Variants in SSBP3 observed in about 807,000 individuals in gnomAD.
SSBP3 encodes the protein single-stranded DNA-binding protein 3.
Under a neutral mutation model 69.6 loss-of-function variants are expected in SSBP3, and 5 were observed. The ratio of observed to expected loss-of-function variants is 0.07; its 90% confidence interval spans 0.04 to 0.15. SSBP3 has a LOEUF of 0.15. Ranked by LOEUF, SSBP3 falls within the 10% of genes least tolerant of loss-of-function variation. SSBP3 has a pLI of 1.00. For missense variants in SSBP3, 312 were observed against 534.0 expected (o/e 0.58, Z 4.10); for synonymous variants, 196 against 193.4 (o/e 1.01, Z -0.11).
chr1:54,270,967 A>G lies in SSBP3; in HGVS notation c.366+10471T>C, dbSNP rs146990450. ...AGAAGGTGAAGGAGGGATGGGACCC[A>G]GCACCTCCCTGTCCAAGACAGAAGG... On this transcript the variant is annotated intron_variant, in intron 5 of 17. Coordinates refer to ENST00000610401, the Ensembl canonical transcript of SSBP3. 2.0e-5 allele frequency among the ~76,000 whole-genome samples: 3 copies of G among 152,296 alleles called. No individual in the cohort carries two copies. In the East Asian group the frequency reaches 5.8e-4, roughly 29 times the overall value.
chr1:54,368,303 A>AG (rs1307215202), intron 4 of SSBP3, among the ~76,000 whole-genome samples: 2 of 151,718 alleles, frequency 1.3e-5, no homozygotes, highest in African/African-American at 2.4e-5. Context: ...AAAAAAAAAA[A>AG]AAAAAGAAAA....
intron 3 of SSBP3, among the ~76,000 whole-genome samples, chr1:54,403,686 G>T (rs1436968860): frequency 6.6e-6 from 1 of 152,178 alleles, no homozygotes; most frequent in East Asian, 1.9e-4. Context: ...AACGACAGGA[G>T]ACAGGACACA....
At chr1:54,316,636 A>T (rs1646103926) in intron 4 of SSBP3, among the ~76,000 whole-genome samples, 1 of 126,378 alleles carries the variant, frequency 7.9e-6, no homozygotes, top group African/African-American at 3.4e-5. Flanking sequence ...CGACAGAGCG[A>T]GACTCCGTCT....
intron 4 of SSBP3, among the ~76,000 whole-genome samples, chr1:54,324,142 AG>A (rs1490982729): frequency 1.3e-5 from 2 of 152,192 alleles, no homozygotes; most frequent in African/African-American, 2.4e-5. Context: ...TTTCAAACCC[AG>A]GTTTGTCAGG....
intron 4 of SSBP3, among the ~76,000 whole-genome samples, chr1:54,298,660 C>T: frequency 6.6e-6 from 1 of 152,140 alleles, no homozygotes; most frequent in Middle Eastern, 3.4e-3. Flanking sequence ...GGCCCAAACA[C>T]CTGCTTTCCA....
intron 4 of SSBP3, among the ~76,000 whole-genome samples, chr1:54,353,511 C>A (rs1471116144): frequency 6.6e-6 from 1 of 152,220 alleles, no homozygotes; most frequent in Non-Finnish European, 1.5e-5. Flanking sequence ...TGTGCACCCT[C>A]TATGCTGGCC....
intron 9 of SSBP3, among the ~76,000 whole-genome samples, chr1:54,246,579 G>A (rs927733319): frequency 3.9e-5 from 6 of 152,210 alleles, no homozygotes; most frequent in African/African-American, 1.4e-4. Context: ...GCTGAGCTGG[G>A]AGGCTCCAAG....
At chr1:54,406,036 T>TCGCCGTCGCCGC in exon 1 of SSBP3, 1 of 1,329,340 alleles carries the variant, frequency 7.5e-7, no homozygotes, top group Middle Eastern at 2.6e-4. Flanking sequence ...GCGCCGAGCC[T>TCGCCGTCGCCGC]CGCCGCCGCC....
chr1:54,260,196 A>G (rs1024177855), intron 5 of SSBP3, among the ~76,000 whole-genome samples: 7 of 152,256 alleles, frequency 4.6e-5, no homozygotes, highest in African/African-American at 1.7e-4. Context: ...CCCCAAAAAA[A>G]GAAATATGAA....
chr1:54,354,430 GGA>G (rs539570836), intron 4 of SSBP3, among the ~76,000 whole-genome samples: 1 of 152,202 alleles, frequency 6.6e-6, no homozygotes, highest in Non-Finnish European at 1.5e-5. Flanking sequence ...GAGAACTACA[GGA>G]GAGACACGAG....
intron 4 of SSBP3, among the ~76,000 whole-genome samples, chr1:54,325,955 C>A (rs931575362): frequency 3.3e-5 from 5 of 152,060 alleles, no homozygotes; most frequent in African/African-American, 7.2e-5. Context: ...GCAGCTCCCC[C>A]CCGCCACCCC....
intron 4 of SSBP3, among the ~76,000 whole-genome samples, chr1:54,386,682 A>ATTTTTTTTTTTTTTTTTTTTTTT (rs1648104342): frequency 1.8e-5 from 1 of 55,052 alleles, no homozygotes; most frequent in African/African-American, 1.4e-4. Flanking sequence ...AACTGATCCT[A>ATTTTTTTTTTTTTTTTTTTTTTT]CTTTTTTTTT....
chr1:54,322,319 C>T (rs1026577577), intron 4 of SSBP3, among the ~76,000 whole-genome samples: 3 of 152,112 alleles, frequency 2.0e-5, no homozygotes, highest in Non-Finnish European at 2.9e-5. Flanking sequence ...TTTTGTAGCA[C>T]GGGGAAGCAG....
intron 4 of SSBP3, among the ~76,000 whole-genome samples, chr1:54,321,419 A>T (rs1646211709): frequency 6.6e-6 from 1 of 152,202 alleles, no homozygotes; most frequent in Non-Finnish European, 1.5e-5. Flanking sequence ...ATCCATCCCT[A>T]GCTTCTGTCC....
intron 4 of SSBP3, among the ~76,000 whole-genome samples, chr1:54,388,031 A>C (rs1040285208): frequency 6.6e-6 from 1 of 152,260 alleles, no homozygotes; most frequent in African/African-American, 2.4e-5. Flanking sequence ...AAGAAAAATA[A>C]ATTCAACACT....
chr1:54,386,683 C>CTTTTCTTTTTTTTTT (rs1648106258), intron 4 of SSBP3, among the ~76,000 whole-genome samples: 1 of 76,136 alleles, frequency 1.3e-5, no homozygotes. Context: ...ACTGATCCTA[C>CTTTTCTTTTTTTTTT]TTTTTTTTTT....
intron 5 of SSBP3, among the ~76,000 whole-genome samples, chr1:54,267,200 C>T (rs1187237807): frequency 1.3e-5 from 2 of 152,182 alleles, no homozygotes; most frequent in Non-Finnish European, 2.9e-5. Context: ...TGCCTCCAGC[C>T]ACTAAATGCT....
intron 9 of SSBP3, among the ~76,000 whole-genome samples, chr1:54,250,379 A>G (rs1043061371): frequency 2.6e-5 from 4 of 151,104 alleles, no homozygotes. Context: ...TGCTGTAAAT[A>G]CAATTCTGGG....
chr1:54,266,623 C>CT (rs1279840405), intron 5 of SSBP3, among the ~76,000 whole-genome samples: 1 of 152,180 alleles, frequency 6.6e-6, no homozygotes. Context: ...CAGTGCTACA[C>CT]TTTGATTTTA....
Sources: gnomAD v4.1 joint callset for allele counts (sites outside exome capture counted in the v4.1 genomes callset) on GRCh38, gnomAD v4.1.1 for gene constraint, MANE v1.5 for transcripts, NCBI Gene and HGNC (gene_info 2026-07-23, HGNC 2026-07-21) for gene names.